PARP15: variants seen among roughly 807,000 people sequenced by gnomAD.
The protein encoded by PARP15 is protein mono-ADP-ribosyltransferase PARP15.
A neutral mutation model predicts 62.1 loss-of-function variants in PARP15; 50 were observed. The ratio of observed to expected loss-of-function variants is 0.81; its 90% CI spans 0.64 to 1.02. PARP15 has a LOEUF of 1.02. PARP15 is among the 50% of genes least tolerant of loss of function. The pLI, the probability that PARP15 is intolerant of heterozygous loss-of-function variation, is 0.00. For synonymous variants in PARP15, 309 were observed against 293.1 expected (o/e 1.05, Z -0.55); for missense variants, 820 against 826.5 (o/e 0.99, Z 0.10).
At chr3:122,580,232 C>T (rs1370511373) in intron 1 of PARP15, among the ~76,000 whole-genome samples, 2 of 151,556 alleles carry the variant, frequency 1.3e-5, no homozygotes, top group Non-Finnish European at 1.5e-5. Context: ...CTTGTTCTAT[C>T]AATTATTTAG....
chr3:122,587,502 A>G (rs924572290), intron 1 of PARP15, among the ~76,000 whole-genome samples: 3 of 152,120 alleles, frequency 2.0e-5, no homozygotes, highest in African/African-American at 7.2e-5. Flanking sequence ...ACAGGCGTAT[A>G]GGGTAGCTCA....
chr3:122,596,028 G>A (rs535737044), intron 1 of PARP15, among the ~76,000 whole-genome samples: 47 of 151,786 alleles, frequency 3.1e-4, no homozygotes, highest in African/African-American at 9.9e-4. Context: ...TATGCTCATT[G>A]CCCAGAAGAC....
At chr3:122,613,616 AT>A (rs1171352803) in intron 4 of PARP15, among the ~76,000 whole-genome samples, 4 of 152,152 alleles carry the variant, frequency 2.6e-5, no homozygotes, top group Non-Finnish European at 5.9e-5. Flanking sequence ...GGATTTAGTT[AT>A]TTGGATAGCA....
intron 5 of PARP15, 99 bp from the exon 6 acceptor site, chr3:122,616,916 A>G: frequency 7.3e-7 from 1 of 1,368,558 alleles, no homozygotes; most frequent in Non-Finnish European, 9.9e-7. Context: ...GGGGGAAAAG[A>G]AAGAGGGCTG....
At chr3:122,598,424 C>G (rs2107499950) in intron 1 of PARP15, among the ~76,000 whole-genome samples, 1 of 152,298 alleles carries the variant, frequency 6.6e-6, no homozygotes, top group Non-Finnish European at 1.5e-5. Context: ...TTGACTGCGA[C>G]TGGAGAGTCT....
At chr3:122,615,272 G>A (rs774893512) in intron 4 of PARP15, 49 of 1,287,820 alleles carry the variant, frequency 3.8e-5, no homozygotes, top group Middle Eastern at 2.1e-4. Context: ...GTGGATTTTC[G>A]TGTTTTCATT....
At chr3:122,631,168 G>A (rs1252821214) in intron 9 of PARP15, among the ~76,000 whole-genome samples, 1 of 152,232 alleles carries the variant, frequency 6.6e-6, no homozygotes, top group African/African-American at 2.4e-5. Flanking sequence ...AGATCCTGAA[G>A]GAGATGGACA....
rs1933553006 is a variant in PARP15, at chr3:122,587,678, A to G, written c.186+9825A>G. On this transcript the variant is annotated intron_variant, in intron 1 of 11. Transcript: ENST00000464300. ...CTGGTAGCTGGGACTATAATCCACC[A>G]CACCTGGCTTATTTTGTTTATTTTT... Among the ~76,000 whole-genome samples the G allele has an allele frequency of 2.6e-5, 4 of 151,938 alleles. No homozygotes were observed. The South Asian group carries it at 8.3e-4, about 32-fold the overall frequency.
chr3:122,624,551 G>A (rs1282817537), intron 8 of PARP15, among the ~76,000 whole-genome samples: 1 of 152,126 alleles, frequency 6.6e-6, no homozygotes. Context: ...ACTTGCACAG[G>A]CTTTTTAAAA....
At chr3:122,610,818 A>G in intron 3 of PARP15, 88 bp downstream of exon 3, 1 of 1,191,972 alleles carries the variant, frequency 8.4e-7, no homozygotes, top group Non-Finnish European at 1.1e-6. Flanking sequence ...AAGGGAAGCA[A>G]TTTTGCCCCA....
In PARP15 at chr3:122,610,402, T is replaced by C. The variant is rs114052523; in HGVS notation, c.307-92T>C. The C allele has an allele frequency of 3.8e-3, 4,479 of 1,170,816 alleles. 109 individuals carry two copies. In the African/African-American group the frequency reaches 0.051, roughly 13 times the overall value. 72.5% of individuals were successfully genotyped at this position (1,170,816 alleles called of 1,614,324 possible). On this transcript the variant is annotated intron_variant, in intron 2 of 11. Coordinates refer to ENST00000464300, the MANE Select transcript of PARP15 (RefSeq NM_001113523.3). Reference sequence around the variant, plus strand: ...GTTAGTATGACAGGCAAAACATATCTGTACATTACCCCACAATACTTAGTA... The same window carrying C: ...GTTAGTATGACAGGCAAAACATATCCGTACATTACCCCACAATACTTAGTA...
At chr3:122,597,619 C>T (rs1417116313) in intron 1 of PARP15, among the ~76,000 whole-genome samples, 2 of 151,964 alleles carry the variant, frequency 1.3e-5, no homozygotes, top group African/African-American at 2.4e-5. Flanking sequence ...CCAGACCATA[C>T]CTTATATTAA....
At chr3:122,600,920 A>G (rs1188929878) in intron 1 of PARP15, among the ~76,000 whole-genome samples, 1 of 150,816 alleles carries the variant, frequency 6.6e-6, no homozygotes, top group Non-Finnish European at 1.5e-5. Flanking sequence ...ATCTTGCATT[A>G]GTGTGATACA....
At chr3:122,590,951 A>G (rs1200821515) in intron 1 of PARP15, among the ~76,000 whole-genome samples, 7 of 152,238 alleles carry the variant, frequency 4.6e-5, no homozygotes, top group Non-Finnish European at 1.5e-5. Context: ...GATGATCGCC[A>G]TCATTTACTA....
chr3:122,621,192 T>C (rs1169634769), intron 7 of PARP15, among the ~76,000 whole-genome samples: 1 of 152,140 alleles, frequency 6.6e-6, no homozygotes, highest in Non-Finnish European at 1.5e-5. Flanking sequence ...GTTTTGAGGA[T>C]TGAGCAGATT....
intron 10 of PARP15, among the ~76,000 whole-genome samples, chr3:122,633,739 C>T (rs1256020112): frequency 5.3e-5 from 8 of 152,140 alleles, no homozygotes; most frequent in South Asian, 4.1e-4. Context: ...TTGATATCTG[C>T]GAGGTCCTGG....
Position 122,613,530 on chromosome 3 carries a change from C to T in PARP15, c.771+262C>T, listed in dbSNP as rs1485540128. Among the ~76,000 whole-genome samples, 4 of 152,294 alleles carry T rather than the reference C, an allele frequency of 2.6e-5. No individual in the cohort carries two copies. In the East Asian group the frequency reaches 7.7e-4, roughly 29 times the overall value. Reference sequence around the variant, plus strand: ...GTTATTGGCATAAAAATGGCCTAGACATTTTAACACTGACTACATGAAAGC... The same window carrying T: ...GTTATTGGCATAAAAATGGCCTAGATATTTTAACACTGACTACATGAAAGC... On this transcript the variant is annotated intron_variant, in intron 4 of 11. Transcript: ENST00000464300.
At chr3:122,604,858 T>C (rs1030287134) in intron 1 of PARP15, among the ~76,000 whole-genome samples, 3 of 145,584 alleles carry the variant, frequency 2.1e-5, no homozygotes, top group Middle Eastern at 3.8e-3. Context: ...AAGACTCTGT[T>C]CAAAAAGAAA....
At chr3:122,588,383 T>G (rs1933618962) in intron 1 of PARP15, among the ~76,000 whole-genome samples, 1 of 152,056 alleles carries the variant, frequency 6.6e-6, no homozygotes, top group Admixed American at 6.6e-5. Flanking sequence ...TTATTGATTC[T>G]TGTTTTTTGG....
Sources: gnomAD v4.1 joint callset for allele counts (sites outside exome capture counted in the v4.1 genomes callset) on GRCh38, gnomAD v4.1.1 for gene constraint, MANE v1.5 for transcripts, NCBI Gene and HGNC (gene_info 2026-07-23, HGNC 2026-07-21) for gene names.